Variants in ACSM5 observed in about 807,000 individuals in gnomAD.
The protein encoded by ACSM5 is acyl-coenzyme A synthetase ACSM5, mitochondrial.
In ACSM5, 56 loss-of-function variants were observed where a neutral mutation model predicts 71.6. The observed-to-expected ratio is 0.78, with a 90% confidence interval of 0.63 to 0.98. The LOEUF (loss-of-function observed/expected upper bound fraction) is 0.98, where lower values mean the gene tolerates loss of function less well. Ranked by LOEUF, ACSM5 falls within the 50% of genes least tolerant of loss-of-function variation. The pLI is 0.00. For synonymous variants in ACSM5, 285 were observed against 281.5 expected (o/e 1.01, Z -0.12); for missense variants, 723 against 726.0 (o/e 1.00, Z 0.05).
chr16:20,426,718 G>C (rs192249443), intron 6 of ACSM5, among the ~76,000 whole-genome samples: 9 of 152,314 alleles, frequency 5.9e-5, no homozygotes, highest in Admixed American at 4.6e-4. Context: ...AATTCATAGA[G>C]ACAGAAAGTA....
intron 1 of ACSM5, among the ~76,000 whole-genome samples, chr16:20,410,631 G>A (rs1445080835): frequency 2.0e-5 from 3 of 152,190 alleles, no homozygotes; most frequent in East Asian, 1.9e-4. Context: ...CTACTAGGAA[G>A]CCTGGGGTGG....
chr16:20,410,917 A>G (rs945363240), intron 1 of ACSM5, among the ~76,000 whole-genome samples: 1 of 152,232 alleles, frequency 6.6e-6, no homozygotes, highest in Non-Finnish European at 1.5e-5. Context: ...ACCAAAAAAA[A>G]CAAAAAATAA....
chr16:20,432,085 G>A (rs1241228705), intron 10 of ACSM5, among the ~76,000 whole-genome samples: 1 of 152,168 alleles, frequency 6.6e-6, no homozygotes, highest in African/African-American at 2.4e-5. Flanking sequence ...AAGTTTCTGG[G>A]ATAATTCAGT....
At chr16:20,421,710 T>C (rs2141647978) in intron 5 of ACSM5, among the ~76,000 whole-genome samples, 1 of 149,114 alleles carries the variant, frequency 6.7e-6, no homozygotes, top group Admixed American at 6.7e-5. Context: ...TATACATATA[T>C]CATAAATGTA....
Position 20,430,084 on chromosome 16 carries a change from C to T in ACSM5, c.1125+283C>T, listed in dbSNP as rs117912581. ...GAGGGGCGTGAAGGTAAAAAAACTA[C>T]GTATTGGGTATAATGTACACTACTC... is the stretch of plus-strand genomic sequence containing the variant. On this transcript the variant is annotated intron_variant, in intron 8 of 13. Coordinates refer to ENST00000331849, the MANE Select transcript of ACSM5 (RefSeq NM_017888.3). Among the ~76,000 whole-genome samples, 264 of 151,964 alleles carry T rather than the reference C, an allele frequency of 1.7e-3. 9 individuals are homozygous for T. The East Asian group carries it at 0.046, about 26-fold the overall frequency.
intron 2 of ACSM5, among the ~76,000 whole-genome samples, chr16:20,417,331 C>G (rs1415000299): frequency 6.6e-6 from 1 of 152,146 alleles, no homozygotes; most frequent in African/African-American, 2.4e-5. Context: ...AATGGATAAA[C>G]AAAATGTGGT....
intron 2 of ACSM5, chr16:20,412,013 T>C: frequency 2.9e-6 from 1 of 340,064 alleles, no homozygotes; most frequent in South Asian, 2.7e-5. Flanking sequence ...TACTCTGTCT[T>C]TGATGTTTTT....
At chr16:20,430,782 G>GGAAAGAAGGAAGA (rs1490990452) in intron 8 of ACSM5, among the ~76,000 whole-genome samples, 1 of 126,600 alleles carries the variant, frequency 7.9e-6, no homozygotes, top group East Asian at 2.8e-4. Context: ...AAAGAGGAAA[G>GGAAAGAAGGAAGA]GAAGGAGTGA....
chr16:20,430,065 C>T lies in ACSM5; in HGVS notation c.1125+264C>T, dbSNP rs115390725. On this transcript the variant is annotated intron_variant, in intron 8 of 13. Transcript: ENST00000331849. ...AGAAGGAAGAAGGTGAGAGGAGGGG[C>T]GTGAAGGTAAAAAAACTACGTATTG... Among the ~76,000 whole-genome samples the T allele has an allele frequency of 9.4e-4, 143 of 151,904 alleles. 1 individual carries two copies. The highest frequency in any genetic ancestry group is 1.6e-3 in the Non-Finnish European group (107 of 67,974).
intron 5 of ACSM5, 97 bp downstream of exon 5, chr16:20,421,498 G>C (rs1966880767): frequency 8.3e-7 from 1 of 1,210,034 alleles, no homozygotes; most frequent in African/African-American, 1.6e-5. Flanking sequence ...ACGGAGGTCA[G>C]AGAGCCAACA....
chr16:20,420,334 C>A (rs1465997757), intron 4 of ACSM5, among the ~76,000 whole-genome samples: 1 of 152,212 alleles, frequency 6.6e-6, no homozygotes, highest in Non-Finnish European at 1.5e-5. Context: ...GGCGCCATGG[C>A]TCACGCCTGT....
intron 2 of ACSM5, among the ~76,000 whole-genome samples, chr16:20,414,711 T>C (rs1044054948): frequency 2.0e-5 from 3 of 152,122 alleles, no homozygotes; most frequent in African/African-American, 7.2e-5. Flanking sequence ...AAAGTAGGTT[T>C]GGAATTAGGT....
intron 10 of ACSM5, among the ~76,000 whole-genome samples, chr16:20,431,699 T>C (rs2141657501): frequency 6.6e-6 from 1 of 152,090 alleles, no homozygotes; most frequent in Non-Finnish European, 1.5e-5. Context: ...ATCTGTAATC[T>C]CAGCACTTTC....
chr16:20,435,423 T>A (rs1419643279), intron 10 of ACSM5, among the ~76,000 whole-genome samples: 1 of 152,236 alleles, frequency 6.6e-6, no homozygotes, highest in Non-Finnish European at 1.5e-5. Flanking sequence ...GATTTTGTGT[T>A]AGATGTATTT....
chr16:20,437,031 C>T (rs570496423), intron 10 of ACSM5, 21 bp from the exon 11 acceptor site: 57 of 1,613,810 alleles, frequency 3.5e-5, no homozygotes, highest in East Asian at 3.1e-4. Flanking sequence ...GGGTCCTTCA[C>T]GGGTTGTCTT....
intron 3 of ACSM5, among the ~76,000 whole-genome samples, chr16:20,418,849 C>T (rs540481553): frequency 1.3e-5 from 2 of 152,202 alleles, no homozygotes; most frequent in Admixed American, 1.3e-4. Context: ...TCATCCAGCT[C>T]CCAAAGGAAG....
At chr16:20,418,297 T>C (rs768260293) in intron 3 of ACSM5, 28 bp downstream of exon 3, 11 of 1,588,144 alleles carry the variant, frequency 6.9e-6, no homozygotes, top group Admixed American at 5.2e-5. Context: ...GGAATTTTAG[T>C]TGGGGGCAGA....
chr16:20,424,137 C>G (rs1966932263), intron 6 of ACSM5, 68 bp downstream of exon 6: 1 of 1,567,530 alleles, frequency 6.4e-7, no homozygotes, highest in Admixed American at 1.8e-5. Flanking sequence ...ATATAGATTT[C>G]AGACTGCAGG....
chr16:20,414,210 C>A (rs1966852432), intron 2 of ACSM5, among the ~76,000 whole-genome samples: 1 of 152,148 alleles, frequency 6.6e-6, no homozygotes, highest in African/African-American at 2.4e-5. Flanking sequence ...ACCTTAATCC[C>A]TGAAACCTGT....
Sources: allele counts gnomAD v4.1 joint callset (sites outside exome capture counted in the v4.1 genomes callset), GRCh38; gene constraint gnomAD v4.1.1; transcripts MANE v1.5; gene names NCBI Gene and HGNC (gene_info 2026-07-23, HGNC 2026-07-21).